Variants in MTHFD2L observed in about 807,000 individuals in gnomAD.
MTHFD2L encodes the protein methylenetetrahydrofolate dehydrogenase (NADP+ dependent) 2 like.
Under a neutral mutation model 34.9 loss-of-function variants are expected in MTHFD2L, and 29 were observed. The ratio of observed to expected loss-of-function variants is 0.83; its 90% CI spans 0.62 to 1.13. The LOEUF (loss-of-function observed/expected upper bound fraction) is 1.13, where lower values mean the gene tolerates loss of function less well. MTHFD2L is among the 50% of genes most tolerant of loss of function. MTHFD2L has a pLI of 0.00. For synonymous variants in MTHFD2L, 167 were observed against 155.7 expected (o/e 1.07, Z -0.54); for missense variants, 481 against 446.5 (o/e 1.08, Z -0.70).
upstream of MTHFD2L, chr4:74,158,055 G>A (rs1432909259): frequency 1.2e-5 from 19 of 1,527,242 alleles, no homozygotes; most frequent in Non-Finnish European, 1.7e-5. Context: ...GCCAGCCCGG[G>A]TGAGGGCGGA....
chr4:74,167,624 TG>T (rs1726998491), intron 1 of MTHFD2L, among the ~76,000 whole-genome samples: 1 of 152,132 alleles, frequency 6.6e-6, no homozygotes. Flanking sequence ...GAGCAATGTG[TG>T]GGACAGACTT....
intron 7 of MTHFD2L, among the ~76,000 whole-genome samples, chr4:74,294,769 G>A (rs183727975): frequency 6.6e-6 from 1 of 152,056 alleles, no homozygotes; most frequent in Admixed American, 6.6e-5. Context: ...CTTCAAGTTA[G>A]AATCAAGTAA....
intron 3 of MTHFD2L, among the ~76,000 whole-genome samples, chr4:74,187,914 T>C (rs1401888254): frequency 2.6e-5 from 4 of 152,140 alleles, no homozygotes; most frequent in Non-Finnish European, 5.9e-5. Context: ...TGTATATGAA[T>C]GTTCATAGAA....
chr4:74,259,059 A>T (rs930534657), intron 6 of MTHFD2L, among the ~76,000 whole-genome samples: 1 of 152,222 alleles, frequency 6.6e-6, no homozygotes, highest in African/African-American at 2.4e-5. Context: ...CATTTGAGCC[A>T]TGACCCACTA....
At chr4:74,231,283 T>C (rs1740011653) in intron 6 of MTHFD2L, among the ~76,000 whole-genome samples, 1 of 152,130 alleles carries the variant, frequency 6.6e-6, no homozygotes, top group Non-Finnish European at 1.5e-5. Flanking sequence ...TAGGGCTCAA[T>C]AGGGTTTTCC....
At chr4:74,150,054 C>T (rs961856840) in intron 1 of MTHFD2L, among the ~76,000 whole-genome samples, 11 of 152,014 alleles carry the variant, frequency 7.2e-5, no homozygotes, top group East Asian at 5.8e-4. Context: ...AGAGGGATTT[C>T]GACATTCTTG....
At chr4:74,287,076 G>A (rs897658487) in intron 7 of MTHFD2L, among the ~76,000 whole-genome samples, 4 of 152,180 alleles carry the variant, frequency 2.6e-5, no homozygotes, top group Middle Eastern at 3.4e-3. Flanking sequence ...CTAATGTAAA[G>A]GTACATTATA....
chr4:74,197,226 G>T (rs1454254031), intron 3 of MTHFD2L, among the ~76,000 whole-genome samples: 1 of 152,186 alleles, frequency 6.6e-6, no homozygotes, highest in African/African-American at 2.4e-5. Context: ...TTGTATAACT[G>T]CTGTGAGAAA....
intron 2 of MTHFD2L, among the ~76,000 whole-genome samples, chr4:74,118,165 GC>G (rs1202584970): frequency 6.6e-6 from 1 of 152,032 alleles, no homozygotes; most frequent in Admixed American, 6.6e-5. Flanking sequence ...AAATAATTAA[GC>G]TTAGTAAAAT....
chr4:74,230,367 A>G (rs1017193018), intron 6 of MTHFD2L, among the ~76,000 whole-genome samples: 2 of 152,000 alleles, frequency 1.3e-5, no homozygotes, highest in Non-Finnish European at 2.9e-5. Context: ...AGGTGGGTGG[A>G]TCACCTGTGG....
chr4:74,135,284 A>T (rs1043833484), intron 1 of MTHFD2L, among the ~76,000 whole-genome samples: 4 of 152,122 alleles, frequency 2.6e-5, no homozygotes, highest in Middle Eastern at 3.4e-3. Context: ...AAGAGAGAAG[A>T]CCCAAATAAA....
intron 6 of MTHFD2L, among the ~76,000 whole-genome samples, chr4:74,264,123 G>A (rs556245045): frequency 6.6e-6 from 1 of 151,966 alleles, no homozygotes; most frequent in Non-Finnish European, 1.5e-5. Context: ...AAGAATGAAT[G>A]CTTCCCCCTA....
chr4:74,215,147 G>A (rs952327605), intron 5 of MTHFD2L, among the ~76,000 whole-genome samples: 1 of 151,756 alleles, frequency 6.6e-6, no homozygotes, highest in African/African-American at 2.4e-5. Flanking sequence ...GCTCTGTAGG[G>A]TGGGATCCGC....
chr4:74,214,801 G>A (rs528270144), intron 5 of MTHFD2L, among the ~76,000 whole-genome samples: 3 of 151,802 alleles, frequency 2.0e-5, no homozygotes, highest in South Asian at 2.1e-4. Flanking sequence ...CTGAAGCTGC[G>A]CCCACAGCCG....
At chr4:74,273,421 T>C in intron 6 of MTHFD2L, among the ~76,000 whole-genome samples, 1 of 152,154 alleles carries the variant, frequency 6.6e-6, no homozygotes, top group Non-Finnish European at 1.5e-5. Flanking sequence ...GTATTTCACT[T>C]TTATTTTTTT....
intron 6 of MTHFD2L, among the ~76,000 whole-genome samples, chr4:74,254,854 G>A (rs1288144410): frequency 2.6e-5 from 4 of 151,982 alleles, no homozygotes; most frequent in Admixed American, 1.3e-4. Flanking sequence ...TAGTTAATTG[G>A]CTGGGCGCAG....
Position 74,297,030 on chromosome 4 carries a change from T to C in MTHFD2L, c.932-4667T>C, listed in dbSNP as rs117797418. Among the ~76,000 whole-genome samples, 17 of 152,214 alleles carry C rather than the reference T, an allele frequency of 1.1e-4. No individual in the cohort carries two copies. The East Asian group carries it at 3.1e-3, about 28-fold the overall frequency. On this transcript the variant is annotated intron_variant, in intron 7 of 7. Transcript: ENST00000325278. ...AAAATGACTGTTTTTAAATCTCTTT[T>C]ATTTTTGTACAACTGAACACACACC...
At chr4:74,281,349 GTA>G in intron 6 of MTHFD2L, 74 bp from the exon 7 acceptor site, 1 of 1,375,874 alleles carries the variant, frequency 7.3e-7, no homozygotes, top group Non-Finnish European at 1.0e-6. Flanking sequence ...GTGTGTGTGT[GTA>G]TTTTTAAAGC....
chr4:74,152,678 C>G (rs1261781589), intron 1 of MTHFD2L, among the ~76,000 whole-genome samples: 1 of 152,098 alleles, frequency 6.6e-6, no homozygotes, highest in East Asian at 1.9e-4. Flanking sequence ...CTTCCCTTGT[C>G]TCCACCCCCT....
Sources: allele counts gnomAD v4.1 joint callset (sites outside exome capture counted in the v4.1 genomes callset), GRCh38; gene constraint gnomAD v4.1.1; transcripts MANE v1.5; gene names NCBI Gene and HGNC (gene_info 2026-07-23, HGNC 2026-07-21).